Variants in ASCC1 observed in about 807,000 individuals in gnomAD.
ASCC1 encodes the protein ASC-1 complex subunit P50.
ASCC1 carries 35 observed loss-of-function variants against 46.6 expected under a neutral mutation model. The ratio of observed to expected loss-of-function variants is 0.75; its 90% CI spans 0.57 to 0.99. ASCC1 has a LOEUF of 0.99. ASCC1 is among the 50% of genes least tolerant of loss of function. ASCC1 has a pLI of 0.00. For synonymous variants in ASCC1, 143 were observed against 146.6 expected, an observed-to-expected ratio of 0.98 and a Z score of 0.18; for missense variants, 376 against 428.7, an observed-to-expected ratio of 0.88 and a Z score of 1.09.
rs959317627 is a variant in ASCC1, at chr10:72,210,916, G to C, written c.113-85C>G. 3 of 1,325,098 alleles carry C rather than the reference G, an allele frequency of 2.3e-6. No individual in the cohort carries two copies. The African/African-American group carries it at 4.3e-5, about 19-fold the overall frequency. The allele number at this position is 1,325,098 out of a possible 1,614,324, so 82.1% of individuals were successfully genotyped here. ...CGCCTCAGCTGTCAACCGCTGTTGA[G>C]GTTTAAAAAAAGCAATACACAGGCA... On this transcript the variant is annotated intron_variant, in intron 2 of 9. Transcript: ENST00000672957.
At chr10:72,125,646 A>G (rs1844776806) in intron 9 of ASCC1, among the ~76,000 whole-genome samples, 1 of 152,128 alleles carries the variant, frequency 6.6e-6, no homozygotes, top group Non-Finnish European at 1.5e-5. Flanking sequence ...TGGAGCCCAC[A>G]TTTACTTTTA....
chr10:72,158,764 G>C (rs188944127), intron 6 of ASCC1, among the ~76,000 whole-genome samples: 1 of 152,096 alleles, frequency 6.6e-6, no homozygotes, highest in Non-Finnish European at 1.5e-5. Flanking sequence ...AGCACACTAT[G>C]TACAGGTCTG....
chr10:72,163,405 T>C (rs530428693), intron 5 of ASCC1, among the ~76,000 whole-genome samples: 4 of 152,234 alleles, frequency 2.6e-5, no homozygotes, highest in African/African-American at 4.8e-5. Flanking sequence ...AACCGTAGTA[T>C]ATACACACAG....
chr10:72,149,160 C>T lies in ASCC1; in HGVS notation c.746+3709G>A, dbSNP rs910747660. ...GTTAAAAAAAAAAAAGTGTTGTGGC[C>T]GGGCACGGTGGCTCATGCCTGTAAT... On this transcript the variant is annotated intron_variant, in intron 7 of 9. Transcript: ENST00000672957. 4.0e-5 allele frequency among the ~76,000 whole-genome samples: 6 copies of T among 151,618 alleles called. No homozygotes were observed. The East Asian group carries it at 7.7e-4, about 20-fold the overall frequency.
In ASCC1 at chr10:72,203,433, C is replaced by T. The variant is rs764646626; in HGVS notation, c.304G>A (p.Glu102Lys). Residue 102 changes from glutamate to lysine, a missense_variant, in exon 4 of 10, where the codon GAA (glutamate) becomes AAA (lysine). Physicochemically the swap from Glu to Lys is moderately conservative, Grantham distance 56. Coordinates refer to ENST00000672957, the MANE Select transcript of ASCC1 (RefSeq NM_001198800.3). ...TATATCTACTGAGTCTCACCAATTT[C>T]CCCGTCTTGTCCAGGTTTAGGAATG... ...ISIPKPGQDG[E>K]IVITGQHRNG... 35 of 1,611,648 alleles carry T rather than the reference C, an allele frequency of 2.2e-5. No individual in the cohort carries two copies. In the Admixed American group the frequency reaches 5.3e-4, roughly 25 times the overall value.
chr10:72,129,618 C>A (rs979081730), intron 8 of ASCC1, among the ~76,000 whole-genome samples: 2 of 151,346 alleles, frequency 1.3e-5, no homozygotes, highest in African/African-American at 4.9e-5. Context: ...CTAGCCTGAC[C>A]AACATGGTGA....
In ASCC1 at chr10:72,213,736, G is replaced by A. The variant is rs555502859; in HGVS notation, c.-33-405C>T. Among the ~76,000 whole-genome samples the A allele has an allele frequency of 9.2e-5, 14 of 151,440 alleles. No homozygotes were observed. The South Asian group carries it at 1.0e-3, about 11-fold the overall frequency. ...AGCCTTATGAACATAGTGAGACCTC[G>A]TCTCTAAAAAAAGAAAAAGAGGGCC... On this transcript the variant is annotated intron_variant, in intron 1 of 9. Transcript: ENST00000672957.
chr10:72,215,728 T>G (rs1554844026), intron 1 of ASCC1: 1 of 152,202 alleles, frequency 6.6e-6, no homozygotes, highest in Admixed American at 6.5e-5. Flanking sequence ...CTGTCCTACA[T>G]GGCCCTGCGC....
At chr10:72,187,112 G>C (rs1325370483) in intron 5 of ASCC1, among the ~76,000 whole-genome samples, 1 of 152,022 alleles carries the variant, frequency 6.6e-6, no homozygotes, top group East Asian at 1.9e-4. Flanking sequence ...ACAGTACTGG[G>C]CTATACTGAA....
chr10:72,144,931 C>T (rs1847455961), intron 7 of ASCC1, among the ~76,000 whole-genome samples: 2 of 152,162 alleles, frequency 1.3e-5, no homozygotes, highest in South Asian at 4.1e-4. Context: ...TTTTCCTTTT[C>T]CGAAATATAC....
chr10:72,154,930 A>G (rs1304905998), intron 6 of ASCC1, among the ~76,000 whole-genome samples: 10 of 152,194 alleles, frequency 6.6e-5, no homozygotes, highest in Non-Finnish European at 4.4e-5. Context: ...ACATGTGACT[A>G]AGGAAGCTTT....
intron 7 of ASCC1, among the ~76,000 whole-genome samples, chr10:72,140,024 T>C (rs368979559): frequency 1.3e-5 from 2 of 152,176 alleles, no homozygotes; most frequent in African/African-American, 4.8e-5. Flanking sequence ...AGGACCAGTA[T>C]AGGTTGCAAG....
At chr10:72,181,169 T>C (rs554088553) in intron 5 of ASCC1, among the ~76,000 whole-genome samples, 1 of 152,262 alleles carries the variant, frequency 6.6e-6, no homozygotes, top group African/African-American at 2.4e-5. Context: ...TTTTACCACG[T>C]TGGCCAGGAT....
At chr10:72,115,425 T>C (rs1314611116) in intron 9 of ASCC1, among the ~76,000 whole-genome samples, 1 of 152,128 alleles carries the variant, frequency 6.6e-6, no homozygotes, top group Non-Finnish European at 1.5e-5. Context: ...GTATTGGACT[T>C]TGAAGAACAA....
intron 3 of ASCC1, among the ~76,000 whole-genome samples, chr10:72,208,775 G>A (rs1270201641): frequency 6.6e-6 from 1 of 151,822 alleles, no homozygotes; most frequent in African/African-American, 2.4e-5. Context: ...AAATGTGTGT[G>A]TGTGTGTGTT....
rs184120647 is a variant in ASCC1, at chr10:72,153,673, G to A, written c.627-685C>T. Among the ~76,000 whole-genome samples, 122 of 151,832 alleles carry A rather than the reference G, an allele frequency of 8.0e-4. 1 individual carries two copies. Among genetic ancestry groups the A allele is most frequent in the African/African-American group, 2.7e-3 (112 of 41,388 alleles). ...GATCTCCTGACCTCGTGATCTGCCC[G>A]CCTCAGCCTCCCAAAGTGCTGGGAT... On this transcript the variant is annotated intron_variant, in intron 6 of 9. Transcript: ENST00000672957.
At position 72,204,328 on chromosome 10, in the gene ASCC1, G is replaced by A. The variant is rs1168370802; in HGVS notation, c.213-804C>T. The A allele has an allele frequency of 4.8e-6, 7 of 1,454,210 alleles. No homozygotes were observed. The East Asian group carries it at 1.2e-4, about 26-fold the overall frequency. 90.1% of individuals were successfully genotyped at this position (1,454,210 alleles called of 1,614,324 possible). On this transcript the variant is annotated intron_variant, in intron 3 of 9. Transcript: ENST00000672957. The stretch of plus-strand genomic sequence containing the variant: ...GGACTCATGGCAACAGCGAGCTACA[G>A]CCAACTCTCGACTACCCCATGAAGA...
intron 6 of ASCC1, among the ~76,000 whole-genome samples, chr10:72,156,631 G>T (rs922318510): frequency 4.6e-5 from 7 of 152,070 alleles, no homozygotes; most frequent in Admixed American, 6.5e-5. Context: ...AACTAGCCGG[G>T]CGTGGTGGCG....
intron 4 of ASCC1, 115 bp downstream of exon 4, chr10:72,203,312 A>T: frequency 1.2e-6 from 1 of 820,146 alleles, no homozygotes; most frequent in Non-Finnish European, 2.0e-6. Context: ...GAAAAGAAAA[A>T]GCCCATAGCT....
Sources: gnomAD v4.1 joint callset for allele counts (sites outside exome capture counted in the v4.1 genomes callset) on GRCh38, gnomAD v4.1.1 for gene constraint, MANE v1.5 for transcripts, NCBI Gene and HGNC (gene_info 2026-07-23, HGNC 2026-07-21) for gene names.